Variants in RIPOR2 observed in about 807,000 individuals in gnomAD.
RIPOR2 encodes rho family-interacting cell polarization regulator 2.
RIPOR2 carries 39 observed loss-of-function variants against 114.5 expected under a neutral mutation model. The ratio of observed to expected loss-of-function variants is 0.34; its 90% CI spans 0.26 to 0.44. The LOEUF (loss-of-function observed/expected upper bound fraction) is 0.44. Among genes scored for constraint, RIPOR2 ranks in the 20% least tolerant of loss-of-function variants. The probability of loss-of-function intolerance (pLI) is 1.00; values close to 1 mark genes in which losing one functional copy is unlikely to be tolerated. For synonymous variants in RIPOR2, 445 were observed against 484.4 expected (o/e 0.92, Z 1.07); for missense variants, 1,007 against 1,255.1 (o/e 0.80, Z 2.99).
chr6:25,019,798 A>AG (rs1776222797), intron 1 of RIPOR2, among the ~76,000 whole-genome samples: 7 of 138,428 alleles, frequency 5.1e-5, no homozygotes, highest in Non-Finnish European at 1.1e-4. Flanking sequence ...AAAAAAAAAA[A>AG]GAAAAGAAAG....
chr6:24,855,976 G>A (rs1444240670), intron 8 of RIPOR2, among the ~76,000 whole-genome samples: 3 of 152,142 alleles, frequency 2.0e-5, no homozygotes, highest in Non-Finnish European at 4.4e-5. Flanking sequence ...TCAGGCGGCC[G>A]TGAGCCACTG....
chr6:24,928,369 A>T (rs1403259432), intron 1 of RIPOR2, among the ~76,000 whole-genome samples: 4 of 152,180 alleles, frequency 2.6e-5, no homozygotes, highest in African/African-American at 9.7e-5. Flanking sequence ...TTTTGCTGTT[A>T]TAAATAGAAA....
At chr6:24,884,282 G>A (rs946400433) in intron 1 of RIPOR2, among the ~76,000 whole-genome samples, 10 of 152,090 alleles carry the variant, frequency 6.6e-5, no homozygotes, top group Non-Finnish European at 1.2e-4. Context: ...GGTGGTGGGT[G>A]CCTGTAGTCC....
At chr6:24,956,607 G>A (rs1027668374) in intron 1 of RIPOR2, among the ~76,000 whole-genome samples, 2 of 152,164 alleles carry the variant, frequency 1.3e-5, no homozygotes, top group African/African-American at 4.8e-5. Context: ...TTCTAGATGA[G>A]GAAACTGAGG....
At chr6:24,852,680 C>T (rs1763081013) in intron 8 of RIPOR2, 62 bp from the exon 9 acceptor site, 7 of 1,222,996 alleles carry the variant, frequency 5.7e-6, no homozygotes, top group African/African-American at 1.6e-5. Context: ...TAGACACATA[C>T]TGGCACGTTA....
chr6:24,991,503 C>A (rs892686150), intron 1 of RIPOR2, among the ~76,000 whole-genome samples: 10 of 152,178 alleles, frequency 6.6e-5, no homozygotes, highest in African/African-American at 1.9e-4. Context: ...AAACCTCAAC[C>A]AGCTAACTGC....
chr6:24,847,826 TA>T, intron 12 of RIPOR2, 198 bp downstream of exon 12: 1 of 1,163,542 alleles, frequency 8.6e-7, no homozygotes, highest in South Asian at 1.6e-5. Context: ...AGGCTGATCT[TA>T]GAGAATGTTC....
intron 1 of RIPOR2, among the ~76,000 whole-genome samples, chr6:24,958,325 C>T (rs1393965075): frequency 6.6e-6 from 1 of 152,106 alleles, no homozygotes; most frequent in African/African-American, 2.4e-5. Flanking sequence ...TTCTGATACT[C>T]AAAATTAATT....
Position 24,835,846 on chromosome 6 carries a change from T to G in RIPOR2, c.2065A>C (p.Arg689=). Residue 689 remains arginine, a synonymous_variant, in exon 15 of 22, where the codon AGG becomes CGG. Coordinates refer to ENST00000643898, the MANE Select transcript of RIPOR2 (RefSeq NM_001286445.3). ...GTGAGCGCTTCACTGAGATGCCCCC[T>G]GGCTTCTGGGTGAACCGACCTGTAA... The part of the protein sequence containing the change: ...HSYRSVHPEA[R]GHLSEALTED... 6.4e-7 allele frequency: 1 copy of G among 1,551,622 alleles called. No homozygotes were observed.
At chr6:24,943,982 G>A (rs562555851) in intron 1 of RIPOR2, among the ~76,000 whole-genome samples, 16 of 152,178 alleles carry the variant, frequency 1.1e-4, no homozygotes, top group East Asian at 3.9e-4. Context: ...TACTGCAGCC[G>A]CCTAAGTCAG....
chr6:25,034,091 T>TA (rs1185293151), intron 1 of RIPOR2, among the ~76,000 whole-genome samples: 14 of 100,552 alleles, frequency 1.4e-4, no homozygotes, highest in African/African-American at 5.1e-4. Context: ...ACAAAAAGGT[T>TA]TTATATATAT....
intron 1 of RIPOR2, among the ~76,000 whole-genome samples, chr6:24,996,789 A>G (rs1775068115): frequency 6.6e-6 from 1 of 152,200 alleles, no homozygotes; most frequent in Admixed American, 6.5e-5. Context: ...GGCTTCTATT[A>G]TAGCACTTAC....
rs918282284 is a variant in RIPOR2, at chr6:24,893,333, G to A, written c.62-17516C>T. On this transcript the variant is annotated intron_variant, in intron 1 of 21. Transcript: ENST00000643898. ...ATAGCTTAAGGGTATCAGGACACTC[G>A]TCTAGCATAAAGTAGGTGAGGGCAG... 3.3e-5 allele frequency among the ~76,000 whole-genome samples: 5 copies of A among 152,178 alleles called. No individual in the cohort carries two copies. The East Asian group carries it at 5.8e-4, about 18-fold the overall frequency.
intron 1 of RIPOR2, among the ~76,000 whole-genome samples, chr6:25,012,001 C>A (rs1287143669): frequency 2.6e-5 from 4 of 152,066 alleles, no homozygotes; most frequent in Non-Finnish European, 4.4e-5. Context: ...GGGCTTGTGT[C>A]CAGAACATAT....
intron 13 of RIPOR2, chr6:24,840,440 A>G: frequency 1.6e-6 from 2 of 1,289,052 alleles, no homozygotes; most frequent in Non-Finnish European, 2.0e-6. Context: ...ATGCAGAAAC[A>G]TTACAAGCAA....
intron 18 of RIPOR2, among the ~76,000 whole-genome samples, chr6:24,825,804 C>A (rs1760125164): frequency 6.6e-6 from 1 of 152,158 alleles, no homozygotes; most frequent in Admixed American, 6.5e-5. Context: ...TTTAGTCAAA[C>A]CTGTCTGGCA....
At chr6:24,929,672 C>T (rs910740401) in intron 1 of RIPOR2, among the ~76,000 whole-genome samples, 1 of 152,136 alleles carries the variant, frequency 6.6e-6, no homozygotes, top group South Asian at 2.1e-4. Flanking sequence ...GAATTTTAAA[C>T]ATTTTAGTTA....
intron 1 of RIPOR2, among the ~76,000 whole-genome samples, chr6:25,035,876 C>T (rs1259671317): frequency 6.6e-6 from 1 of 152,202 alleles, no homozygotes; most frequent in Admixed American, 6.5e-5. Context: ...TTCAGGTTCT[C>T]ATCTGAAGAC....
intron 8 of RIPOR2, among the ~76,000 whole-genome samples, chr6:24,859,467 C>T (rs961820506): frequency 1.2e-4 from 18 of 151,982 alleles, no homozygotes; most frequent in South Asian, 2.1e-4. Context: ...CCAGGGCCCA[C>T]GTGGGACTAT....
Sources: allele counts gnomAD v4.1 joint callset (sites outside exome capture counted in the v4.1 genomes callset), GRCh38; gene constraint gnomAD v4.1.1; transcripts MANE v1.5; gene names NCBI Gene and HGNC (gene_info 2026-07-23, HGNC 2026-07-21).